CDC14B: variants seen among roughly 807,000 people sequenced by gnomAD.
CDC14B encodes dual specificity protein phosphatase CDC14B.
In CDC14B, 22 loss-of-function variants were observed where a neutral mutation model predicts 64.2. That is an observed-to-expected ratio of 0.34 (90% CI 0.24 to 0.49). CDC14B has a LOEUF of 0.49. Ranked by LOEUF, CDC14B falls within the 20% of genes least tolerant of loss-of-function variation. CDC14B has a pLI of 0.99. For synonymous variants in CDC14B, 191 were observed against 215.8 expected (o/e 0.89, Z 1.01); for missense variants, 498 against 629.9 (o/e 0.79, Z 2.24).
intron 1 of CDC14B, among the ~76,000 whole-genome samples, chr9:96,573,603 T>A (rs116041575): frequency 4.6e-5 from 7 of 151,896 alleles, no homozygotes; most frequent in African/African-American, 1.5e-4. Flanking sequence ...GGTCTTTTCA[T>A]GAAACCTGAC....
chr9:96,529,432 T>A lies in CDC14B; in HGVS notation c.946+4495A>T, dbSNP rs1838082212. Among the ~76,000 whole-genome samples, 6 of 152,096 alleles carry A rather than the reference T, an allele frequency of 3.9e-5. No individual in the cohort carries two copies. The South Asian group carries it at 1.2e-3, about 32-fold the overall frequency. On this transcript the variant is annotated intron_variant, in intron 9 of 13. Transcript: ENST00000375241. ...AGCTCTCTATCCTATCACTGGTCTA[T>A]GTATCTGTCTTTATGCCAGTACCAC...
intron 12 of CDC14B, among the ~76,000 whole-genome samples, chr9:96,519,201 C>G (rs1046159633): frequency 5.3e-5 from 8 of 152,026 alleles, no homozygotes; most frequent in African/African-American, 1.9e-4. Context: ...ATATACTCAT[C>G]TCCAAACCTA....
At chr9:96,527,741 G>A (rs527922652) in intron 9 of CDC14B, among the ~76,000 whole-genome samples, 28 of 152,022 alleles carry the variant, frequency 1.8e-4, no homozygotes, top group African/African-American at 6.3e-4. Context: ...TCAGACTCCC[G>A]AGTAACTGGG....
intron 5 of CDC14B, 75 bp from the exon 6 acceptor site, chr9:96,541,967 G>T: frequency 1.0e-6 from 1 of 995,570 alleles, no homozygotes; most frequent in Non-Finnish European, 1.5e-6. Flanking sequence ...AAGGTGACTA[G>T]AATTTAAAAT....
intron 1 of CDC14B, among the ~76,000 whole-genome samples, chr9:96,606,599 A>G (rs1846957428): frequency 1.4e-5 from 2 of 145,544 alleles, no homozygotes; most frequent in Admixed American, 1.4e-4. Context: ...GGTGTTTCAC[A>G]CTTGTTGCCC....
intron 1 of CDC14B, among the ~76,000 whole-genome samples, chr9:96,579,656 G>T (rs1474714088): frequency 6.6e-6 from 1 of 152,070 alleles, no homozygotes; most frequent in Non-Finnish European, 1.5e-5. Context: ...TCACGTGGAG[G>T]TACAGGGAGA....
chr9:96,617,864 C>T (rs1235658034), intron 1 of CDC14B, among the ~76,000 whole-genome samples: 1 of 152,190 alleles, frequency 6.6e-6, no homozygotes, highest in East Asian at 1.9e-4. Flanking sequence ...CAATAACGGG[C>T]AGAAACTATG....
chr9:96,507,207 G>A (rs914232523), intron 13 of CDC14B, among the ~76,000 whole-genome samples: 1 of 151,874 alleles, frequency 6.6e-6, no homozygotes, highest in Non-Finnish European at 1.5e-5. Context: ...GGGAGGATGA[G>A]GCGGGAGGAT....
intron 6 of CDC14B, among the ~76,000 whole-genome samples, chr9:96,540,287 CAAAT>C (rs903518256): frequency 6.6e-6 from 1 of 152,086 alleles, no homozygotes; most frequent in African/African-American, 2.4e-5. Context: ...AAATCAGTCA[CAAAT>C]AAAAAATGCT....
At chr9:96,554,546 T>C (rs1842251834) in intron 4 of CDC14B, among the ~76,000 whole-genome samples, 1 of 152,182 alleles carries the variant, frequency 6.6e-6, no homozygotes, top group Non-Finnish European at 1.5e-5. Flanking sequence ...GTAACATTTT[T>C]TTCCTATGGG....
chr9:96,503,685 A>G lies in CDC14B; in HGVS notation c.*68T>C, dbSNP rs1833745687. 6 of 1,410,296 alleles carry G rather than the reference A, an allele frequency of 4.3e-6. No homozygotes were observed. Among genetic ancestry groups the G allele is most frequent in the Non-Finnish European group, 5.9e-6 (6 of 1,010,264 alleles). The allele number at this position is 1,410,296 out of a possible 1,614,324, so 87.4% of individuals were successfully genotyped here. On this transcript the variant is annotated 3_prime_UTR_variant, in exon 14 of 14. Coordinates refer to ENST00000375241, the MANE Select transcript of CDC14B (RefSeq NM_033331.4). Reference sequence around the variant, plus strand: ...TTTTGCAATTTTGTTTTGTTTTCAAATTGTGCTAATTTCTGTTGCAGTTTT... The same window carrying G: ...TTTTGCAATTTTGTTTTGTTTTCAAGTTGTGCTAATTTCTGTTGCAGTTTT...
chr9:96,602,057 T>TCAAAAA (rs879367659), intron 1 of CDC14B, among the ~76,000 whole-genome samples: 29 of 152,154 alleles, frequency 1.9e-4, no homozygotes, highest in Admixed American at 7.9e-4. Flanking sequence ...AGACTCAGTC[T>TCAAAAA]CAAAAACAAA....
exon 14 of CDC14B, chr9:96,492,400 G>C (rs1288334952): frequency 6.6e-6 from 1 of 152,434 alleles, no homozygotes; most frequent in Non-Finnish European, 1.5e-5. Context: ...GTCACCAGGT[G>C]GGGAAAGCTG....
rs1049491521 is a variant in CDC14B at position 96,614,242 on chromosome 9, CT to C, written c.160+4976del. Among the ~76,000 whole-genome samples the C allele has an allele frequency of 4.7e-3, 684 of 146,544 alleles. 7 individuals carry two copies. The highest frequency in any genetic ancestry group is 0.013 in the African/African-American group (535 of 40,276). On this transcript the variant is annotated intron_variant, in intron 1 of 13. Coordinates refer to ENST00000375241, the MANE Select transcript of CDC14B (RefSeq NM_033331.4). ...ACTAATCAGAATTTTTCTTTTCTTTCTTTTTTTTTTTGAGACGGAGTTTCAC... is the reference window on the plus strand; with the variant it reads ...ACTAATCAGAATTTTTCTTTTCTTTCTTTTTTTTTTGAGACGGAGTTTCAC...
intron 1 of CDC14B, among the ~76,000 whole-genome samples, chr9:96,582,346 G>A (rs1267654980): frequency 1.3e-5 from 2 of 152,200 alleles, no homozygotes; most frequent in Non-Finnish European, 2.9e-5. Flanking sequence ...GCCCTGGCAT[G>A]CTTATACTGG....
At chr9:96,492,215 C>T (rs930711907) in exon 14 of CDC14B, 2 of 152,310 alleles carry the variant, frequency 1.3e-5, no homozygotes, top group Non-Finnish European at 2.9e-5. Flanking sequence ...CCCAAGTCTC[C>T]TGAAAAGTGG....
chr9:96,551,869 T>C lies in CDC14B; in HGVS notation c.424A>G (p.Ile142Val). 6.2e-7 allele frequency: 1 copy of C among 1,600,428 alleles called. No individual in the cohort carries two copies. Among genetic ancestry groups the C allele is most frequent in the Non-Finnish European group, 8.5e-7 (1 of 1,175,522 alleles). ...AAFLVGCYMV[I>V]YLGRTPEEAY... ...TCTTCTGGGGTTCTCCCCAAATATA[T>C]AACCTATGTTTGAAAAAAGAAGAAA... The change falls in exon 5 of 14, where the codon ATA becomes GTA. Residue 142 changes from isoleucine to valine, a missense_variant. Coordinates refer to ENST00000375241, the MANE Select transcript of CDC14B (RefSeq NM_033331.4).
chr9:96,618,023 G>C (rs968373337), intron 1 of CDC14B, among the ~76,000 whole-genome samples: 1 of 152,142 alleles, frequency 6.6e-6, no homozygotes, highest in Non-Finnish European at 1.5e-5. Flanking sequence ...CTGGTACTCA[G>C]GGCAACCCCT....
At chr9:96,514,108 G>A (rs1337160213) in intron 12 of CDC14B, among the ~76,000 whole-genome samples, 1 of 152,144 alleles carries the variant, frequency 6.6e-6, no homozygotes. Context: ...TACTCTGCTT[G>A]GGTCTAGAAA....
Sources: allele counts gnomAD v4.1 joint callset (sites outside exome capture counted in the v4.1 genomes callset), GRCh38; gene constraint gnomAD v4.1.1; transcripts MANE v1.5; gene names NCBI Gene and HGNC (gene_info 2026-07-23, HGNC 2026-07-21).